The following NELL1 variants were observed in gnomAD, a reference collection of about 807,000 sequenced individuals.
NELL1 encodes neural EGFL like 1, also known as protein kinase C-binding protein NELL1.
Under a neutral mutation model 107.4 loss-of-function variants are expected in NELL1, and 76 were observed. The observed-to-expected ratio is 0.71, with a 90% CI of 0.59 to 0.86. The LOEUF (loss-of-function observed/expected upper bound fraction) is 0.86, where lower values mean the gene tolerates loss of function less well. Ranked by LOEUF, NELL1 falls within the 40% of genes least tolerant of loss-of-function variation. The pLI, the probability that NELL1 is intolerant of heterozygous loss-of-function variation, is 0.00. For synonymous variants in NELL1, 353 were observed against 341.2 expected (o/e 1.03, Z -0.38); for missense variants, 1,024 against 1,005.5 (o/e 1.02, Z -0.25).
At chr11:21,427,973 G>A (rs1011281826) in intron 15 of NELL1, among the ~76,000 whole-genome samples, 1 of 152,206 alleles carries the variant, frequency 6.6e-6, no homozygotes, top group Non-Finnish European at 1.5e-5. Context: ...AGGTTTCACT[G>A]ATGAGTCTAA....
intron 12 of NELL1, among the ~76,000 whole-genome samples, chr11:20,987,491 G>C (rs1418479453): frequency 6.6e-6 from 1 of 152,154 alleles, no homozygotes; most frequent in Admixed American, 6.5e-5. Context: ...GATGGAAGGG[G>C]AAGCAAACAT....
intron 15 of NELL1, among the ~76,000 whole-genome samples, chr11:21,407,299 C>T (rs1393323273): frequency 6.6e-6 from 1 of 151,962 alleles, no homozygotes; most frequent in African/African-American, 2.4e-5. Flanking sequence ...GCCTGTAGTC[C>T]TAACTACTCA....
At chr11:20,779,320 A>G (rs1001578081) in intron 2 of NELL1, among the ~76,000 whole-genome samples, 1 of 152,196 alleles carries the variant, frequency 6.6e-6, no homozygotes, top group Admixed American at 6.5e-5. Context: ...CTTGTAAGTA[A>G]CACTCTTATT....
chr11:21,256,459 A>G (rs999195650), intron 14 of NELL1, among the ~76,000 whole-genome samples: 1 of 152,060 alleles, frequency 6.6e-6, no homozygotes, highest in Non-Finnish European at 1.5e-5. Context: ...TCTTGGATCT[A>G]CTAGCACTGG....
intron 12 of NELL1, among the ~76,000 whole-genome samples, chr11:21,050,308 A>T (rs1483144866): frequency 4.6e-5 from 7 of 152,082 alleles, no homozygotes; most frequent in Non-Finnish European, 8.8e-5. Flanking sequence ...ATCTTTCTTC[A>T]GTAAACTAAT....
At chr11:20,901,035 A>T (rs1222842007) in intron 5 of NELL1, among the ~76,000 whole-genome samples, 4 of 152,162 alleles carry the variant, frequency 2.6e-5, no homozygotes, top group African/African-American at 9.6e-5. Context: ...TTTAAATATT[A>T]AGAGAATTCC....
At chr11:21,539,192 T>C (rs1177606093) in intron 16 of NELL1, among the ~76,000 whole-genome samples, 4 of 152,002 alleles carry the variant, frequency 2.6e-5, no homozygotes, top group Admixed American at 6.6e-5. Context: ...CCAAACTCCT[T>C]ATGGGAGGGA....
chr11:21,167,076 G>A (rs1242521477), intron 13 of NELL1, among the ~76,000 whole-genome samples: 1 of 151,828 alleles, frequency 6.6e-6, no homozygotes, highest in East Asian at 1.9e-4. Flanking sequence ...CAACTGAAAA[G>A]TCCAGACATA....
intron 14 of NELL1, among the ~76,000 whole-genome samples, chr11:21,352,908 C>T (rs975862495): frequency 2.0e-5 from 3 of 151,982 alleles, no homozygotes; most frequent in Admixed American, 1.3e-4. Context: ...GTCCCTCTTA[C>T]CTGGGTACTC....
chr11:21,002,567 A>G (rs1278100301), intron 12 of NELL1, among the ~76,000 whole-genome samples: 3 of 152,144 alleles, frequency 2.0e-5, no homozygotes, highest in African/African-American at 7.2e-5. Context: ...TCAGCCAGAA[A>G]AGTCTCCATG....
chr11:21,482,750 T>TAAAAAAAA (rs545059568), intron 15 of NELL1, among the ~76,000 whole-genome samples: 1 of 137,738 alleles, frequency 7.3e-6, no homozygotes, highest in African/African-American at 2.7e-5. Context: ...CTGGAGAGCT[T>TAAAAAAAA]AAAAAAAAAA....
intron 15 of NELL1, among the ~76,000 whole-genome samples, chr11:21,387,546 A>C (rs1392970640): frequency 6.6e-6 from 1 of 151,920 alleles, no homozygotes; most frequent in Non-Finnish European, 1.5e-5. Flanking sequence ...TAGTACGGAC[A>C]AGATTATAGG....
chr11:20,936,894 C>T (rs1459960777), intron 9 of NELL1, among the ~76,000 whole-genome samples: 1 of 152,080 alleles, frequency 6.6e-6, no homozygotes, highest in Admixed American at 6.6e-5. Flanking sequence ...AAGACCAACA[C>T]CGAATTAGTG....
chr11:21,465,458 CTAATCTAT>C (rs1854004788), intron 15 of NELL1, among the ~76,000 whole-genome samples: 2 of 152,040 alleles, frequency 1.3e-5, no homozygotes, highest in Admixed American at 1.3e-4. Flanking sequence ...GTGAAGTTCT[CTAATCTAT>C]TTCCTGACAA....
chr11:21,077,374 A>C (rs1230122783), intron 12 of NELL1, among the ~76,000 whole-genome samples: 1 of 152,212 alleles, frequency 6.6e-6, no homozygotes. Flanking sequence ...AATAAGCCAT[A>C]AAAAGTCAAT....
chr11:21,094,741 C>T (rs1443278465), intron 12 of NELL1, among the ~76,000 whole-genome samples: 3 of 152,172 alleles, frequency 2.0e-5, no homozygotes, highest in South Asian at 4.1e-4. Context: ...CTGAAGAAGG[C>T]TGGGACACAG....
At chr11:21,538,856 A>G (rs1856215015) in intron 16 of NELL1, among the ~76,000 whole-genome samples, 1 of 152,140 alleles carries the variant, frequency 6.6e-6, no homozygotes, top group Non-Finnish European at 1.5e-5. Flanking sequence ...TTTCCACAAT[A>G]TTGCTCCCAC....
intron 12 of NELL1, among the ~76,000 whole-genome samples, chr11:21,025,744 T>A (rs1852800368): frequency 1.3e-5 from 2 of 152,140 alleles, no homozygotes; most frequent in Admixed American, 6.6e-5. Context: ...CAGCCTAGAC[T>A]GATATTTTAC....
At chr11:20,713,081 G>A (rs1855152682) in intron 2 of NELL1, among the ~76,000 whole-genome samples, 2 of 152,200 alleles carry the variant, frequency 1.3e-5, no homozygotes, top group South Asian at 4.1e-4. Flanking sequence ...TTGCTTTAAT[G>A]GCCTGAGTTG....
Sources: gnomAD v4.1 joint callset for allele counts (sites outside exome capture counted in the v4.1 genomes callset) on GRCh38, gnomAD v4.1.1 for gene constraint, MANE v1.5 for transcripts, NCBI Gene and HGNC (gene_info 2026-07-23, HGNC 2026-07-21) for gene names.